Variants in ABCD3 observed in about 807,000 individuals in gnomAD.
The protein encoded by ABCD3 is ATP-binding cassette sub-family D member 3.
Under a neutral mutation model 105.5 loss-of-function variants are expected in ABCD3, and 41 were observed. The ratio of observed to expected loss-of-function variants is 0.39; its 90% CI spans 0.30 to 0.50. The LOEUF (loss-of-function observed/expected upper bound fraction) is 0.50, where lower values mean the gene tolerates loss of function less well. Ranked by LOEUF, ABCD3 falls within the 20% of genes least tolerant of loss-of-function variation. ABCD3 has a pLI of 0.84. For synonymous variants in ABCD3, 258 were observed against 269.0 expected (o/e 0.96, Z 0.40); for missense variants, 622 against 806.3 (o/e 0.77, Z 2.77).
chr1:94,455,747 C>A, intron 1 of ABCD3: 1 of 954,996 alleles, frequency 1.0e-6, no homozygotes, highest in Non-Finnish European at 1.5e-6. Context: ...TTCATGGAAA[C>A]TTGGAGAGAG....
At chr1:94,428,298 T>C (rs1659546864) in intron 1 of ABCD3, among the ~76,000 whole-genome samples, 1 of 152,126 alleles carries the variant, frequency 6.6e-6, no homozygotes, top group African/African-American at 2.4e-5. Context: ...ACTATAATAA[T>C]TGACATAAAA....
At chr1:94,452,688 G>T (rs1352533401) in intron 1 of ABCD3, among the ~76,000 whole-genome samples, 2 of 151,840 alleles carry the variant, frequency 1.3e-5, no homozygotes, top group African/African-American at 4.8e-5. Flanking sequence ...AGTTTTCTTT[G>T]TGGAATTTGA....
intron 2 of ABCD3, among the ~76,000 whole-genome samples, chr1:94,462,026 A>G (rs997192984): frequency 1.3e-5 from 2 of 152,206 alleles, no homozygotes; most frequent in African/African-American, 4.8e-5. Flanking sequence ...TGATTGACGT[A>G]TCAATAGGAA....
intron 8 of ABCD3, chr1:94,478,550 A>C (rs1330119950): frequency 6.3e-7 from 1 of 1,598,538 alleles, no homozygotes; most frequent in Non-Finnish European, 8.5e-7. Context: ...TGTGGCATTA[A>C]AAACCAGACA....
intron 2 of ABCD3, among the ~76,000 whole-genome samples, chr1:94,459,756 G>C (rs372073647): frequency 1.3e-5 from 2 of 152,260 alleles, no homozygotes; most frequent in East Asian, 3.9e-4. Context: ...CTCATTAGCA[G>C]TCATTCCTTA....
chr1:94,409,117 A>T, the ABCD3 span, among the ~76,000 whole-genome samples: 1 of 152,096 alleles, frequency 6.6e-6, no homozygotes, highest in Non-Finnish European at 1.5e-5. Flanking sequence ...TAATGGGTAT[A>T]AAAAAATAGA....
At chr1:94,419,043 C>T (rs1464011023) in intron 1 of ABCD3, 2 of 172,562 alleles carry the variant, frequency 1.2e-5, no homozygotes, top group South Asian at 2.4e-4. Context: ...TTGGATTCGC[C>T]AGGCTGGAGG....
At chr1:94,473,629 G>A in intron 4 of ABCD3, 137 bp from the exon 5 acceptor site, 1 of 708,406 alleles carries the variant, frequency 1.4e-6, no homozygotes, top group South Asian at 1.7e-5. Flanking sequence ...GCAAAAAAGT[G>A]GTTTTTAGCA....
At chr1:94,413,767 G>A (rs1658954558), upstream of ABCD3, among the ~76,000 whole-genome samples, 1 of 152,136 alleles carries the variant, frequency 6.6e-6, no homozygotes, top group Non-Finnish European at 1.5e-5. Context: ...CCTTTCCAGA[G>A]AAATGATTGG....
At chr1:94,401,639 C>T in the ABCD3 span, among the ~76,000 whole-genome samples, 1 of 152,150 alleles carries the variant, frequency 6.6e-6, no homozygotes, top group Non-Finnish European at 1.5e-5. Context: ...TTAGATATTT[C>T]AGGTCCTTCT....
chr1:94,427,987 A>G (rs1023088022), intron 1 of ABCD3, among the ~76,000 whole-genome samples: 9 of 152,104 alleles, frequency 5.9e-5, no homozygotes, highest in Non-Finnish European at 1.3e-4. Flanking sequence ...GATAACTGCT[A>G]TTTATGTAAT....
intron 6 of ABCD3, 44 bp downstream of exon 6, chr1:94,475,284 G>T (rs1412344307): frequency 5.6e-6 from 7 of 1,246,380 alleles, no homozygotes; most frequent in Non-Finnish European, 7.9e-6. Flanking sequence ...TTAAATAGAA[G>T]AGTATTTATG....
intron 1 of ABCD3, 59 bp from the exon 2 acceptor site, chr1:94,458,548 C>T: frequency 6.8e-7 from 1 of 1,466,424 alleles, no homozygotes; most frequent in South Asian, 1.2e-5. Context: ...TTAAAATCAT[C>T]TTAATGATAA....
the ABCD3 span, among the ~76,000 whole-genome samples, chr1:94,387,249 A>G: frequency 6.6e-6 from 1 of 152,198 alleles, no homozygotes; most frequent in Admixed American, 6.5e-5. Flanking sequence ...CCTCTATTTA[A>G]CAACAGGACT....
At chr1:94,466,319 C>G (rs748835537) in intron 3 of ABCD3, among the ~76,000 whole-genome samples, 1 of 152,108 alleles carries the variant, frequency 6.6e-6, no homozygotes, top group Non-Finnish European at 1.5e-5. Context: ...AAATTATTCT[C>G]TCCCTTTACA....
At chr1:94,428,154 G>A (rs904609085) in intron 1 of ABCD3, among the ~76,000 whole-genome samples, 2 of 150,838 alleles carry the variant, frequency 1.3e-5, no homozygotes, top group African/African-American at 4.9e-5. Context: ...TTTCTTATCA[G>A]TTTGCTAGAT....
the ABCD3 span, chr1:94,406,357 TACAGTC>T: frequency 4.6e-6 from 1 of 218,014 alleles, no homozygotes; most frequent in Non-Finnish European, 9.1e-6. Context: ...TTTTTTTTTT[TACAGTC>T]CAGTGGGTTG....
the ABCD3 span, among the ~76,000 whole-genome samples, chr1:94,387,555 G>A: frequency 6.6e-6 from 1 of 152,098 alleles, no homozygotes; most frequent in Non-Finnish European, 1.5e-5. Flanking sequence ...TCCATTTCTT[G>A]AACCCTTTCA....
chr1:94,393,306 AAG>A, the ABCD3 span, among the ~76,000 whole-genome samples: 1 of 151,824 alleles, frequency 6.6e-6, no homozygotes, highest in Admixed American at 6.6e-5. Flanking sequence ...AGAAAGGGGG[AAG>A]AGAGAGGGAG....
Sources: allele counts gnomAD v4.1 joint callset (sites outside exome capture counted in the v4.1 genomes callset), GRCh38; gene constraint gnomAD v4.1.1; transcripts MANE v1.5; gene names NCBI Gene and HGNC (gene_info 2026-07-23, HGNC 2026-07-21).